The following RERE variants were observed in gnomAD, a reference collection of about 807,000 sequenced individuals.
RERE encodes the protein arginine-glutamic acid dipeptide repeats protein.
A neutral mutation model predicts 146.1 loss-of-function variants in RERE; 40 were observed. The observed-to-expected ratio is 0.27, with a 90% confidence interval of 0.21 to 0.36. RERE has a LOEUF of 0.36. Among genes scored for constraint, RERE ranks in the 10% least tolerant of loss-of-function variants. The probability of loss-of-function intolerance (pLI) is 1.00; values close to 1 mark genes in which losing one functional copy is unlikely to be tolerated. For missense variants in RERE, 1,933 were observed against 2,138.7 expected, an observed-to-expected ratio of 0.90 and a Z score of 1.90; for synonymous variants, 1,003 against 866.0, an observed-to-expected ratio of 1.16 and a Z score of -2.78.
Position 8,432,107 on chromosome 1 carries a change from TATATTA to T in RERE, c.1204-9306_1204-9301del, listed in dbSNP as rs563073370. Among the ~76,000 whole-genome samples, 38 of 152,304 alleles carry T rather than the reference TATATTA, an allele frequency of 2.5e-4. 3 individuals are homozygous for T. The South Asian group carries it at 7.9e-3, about 32-fold the overall frequency. ...CAACATTCCAGTTCTGGGCATTCTGTATATTAATGTGTTCTCTTATTTGAAGACCTG... is the reference window on the plus strand; with the variant it reads ...CAACATTCCAGTTCTGGGCATTCTGTATGTGTTCTCTTATTTGAAGACCTG... On this transcript the variant is annotated intron_variant, in intron 11 of 22. Coordinates refer to ENST00000400908, the MANE Select transcript of RERE (RefSeq NM_001042681.2).
At chr1:8,490,344 A>G (rs1323915229) in intron 10 of RERE, among the ~76,000 whole-genome samples, 1 of 127,226 alleles carries the variant, frequency 7.9e-6, no homozygotes, top group Admixed American at 7.5e-5. Flanking sequence ...GCAACATCTC[A>G]AAAAAAAAAA....
chr1:8,624,509 A>C (rs1286447204), intron 2 of RERE, 129 bp from the exon 3 acceptor site: 44 of 609,426 alleles, frequency 7.2e-5, no homozygotes, highest in Non-Finnish European at 1.1e-4. Context: ...TTTTTCCAAA[A>C]GATGATATTA....
intron 1 of RERE, among the ~76,000 whole-genome samples, chr1:8,733,028 A>G (rs1640124130): frequency 6.6e-6 from 1 of 151,668 alleles, no homozygotes; most frequent in Admixed American, 6.6e-5. Flanking sequence ...TCACCGTGTT[A>G]GCCAGGATGG....
intron 17 of RERE, 53 bp downstream of exon 17, chr1:8,361,710 G>A: frequency 2.7e-6 from 4 of 1,488,872 alleles, no homozygotes; most frequent in South Asian, 2.3e-5. Context: ...CCCGGCTGGG[G>A]GCTTCTGAAG....
chr1:8,486,073 C>G (rs1001529561), intron 10 of RERE, among the ~76,000 whole-genome samples: 4 of 152,174 alleles, frequency 2.6e-5, no homozygotes, highest in Non-Finnish European at 1.5e-5. Flanking sequence ...GCTGGAATTA[C>G]AGGCGTAAGC....
chr1:8,791,548 G>A (rs1641364002), intron 1 of RERE, among the ~76,000 whole-genome samples: 1 of 152,212 alleles, frequency 6.6e-6, no homozygotes, highest in African/African-American at 2.4e-5. Context: ...ATGCCCAGGG[G>A]AAGGGAGACT....
At chr1:8,654,637 T>G (rs1557460546) in intron 2 of RERE, among the ~76,000 whole-genome samples, 1 of 145,546 alleles carries the variant, frequency 6.9e-6, no homozygotes, top group African/African-American at 2.5e-5. Flanking sequence ...TTTGTTTTTT[T>G]TTGTTTTTTT....
chr1:8,585,565 T>A (rs755056197), intron 4 of RERE, among the ~76,000 whole-genome samples: 1 of 152,118 alleles, frequency 6.6e-6, no homozygotes, highest in South Asian at 2.1e-4. Context: ...CACCTTGGCA[T>A]AGAGATAGTA....
intron 1 of RERE, among the ~76,000 whole-genome samples, chr1:8,758,038 G>C (rs1640679532): frequency 6.6e-6 from 1 of 151,672 alleles, no homozygotes; most frequent in Middle Eastern, 3.2e-3. Flanking sequence ...GACATAGAAA[G>C]ACAGATACTG....
chr1:8,535,942 C>G (rs945701559), intron 7 of RERE, among the ~76,000 whole-genome samples: 2 of 151,876 alleles, frequency 1.3e-5, no homozygotes, highest in Admixed American at 6.6e-5. Context: ...CCCCTCTCTA[C>G]TAAAAATACA....
In RERE at chr1:8,449,099, G is replaced by A. The variant is rs139601340; in HGVS notation, c.1203+16826C>T. Reference sequence around the variant, plus strand: ...GATCAGGCTGCTCTGAATCCAGGCCGGCTGGAATTGGCGGGGCCTCTCAAC... The same window carrying A: ...GATCAGGCTGCTCTGAATCCAGGCCAGCTGGAATTGGCGGGGCCTCTCAAC... On this transcript the variant is annotated intron_variant, in intron 11 of 22. Transcript: ENST00000400908. 1.6e-3 allele frequency among the ~76,000 whole-genome samples: 247 copies of A among 152,260 alleles called. 1 individual carries two copies. Among genetic ancestry groups the A allele is most frequent in the African/African-American group, 5.5e-3 (230 of 41,542 alleles).
intron 1 of RERE, chr1:8,786,525 T>G: frequency 1.3e-6 from 1 of 788,056 alleles, no homozygotes; most frequent in African/African-American, 1.7e-5. Flanking sequence ...ATGTAATATA[T>G]GGCTCTACAA....
chr1:8,657,453 T>TGA (rs936541703), intron 1 of RERE, among the ~76,000 whole-genome samples: 6 of 152,218 alleles, frequency 3.9e-5, no homozygotes, highest in Non-Finnish European at 5.9e-5. Context: ...CAAACGAAAG[T>TGA]GAGAGCTTCA....
At chr1:8,553,808 T>C (rs535793419) in intron 6 of RERE, among the ~76,000 whole-genome samples, 18 of 152,328 alleles carry the variant, frequency 1.2e-4, no homozygotes, top group South Asian at 4.1e-4. Flanking sequence ...AAACATCTGA[T>C]TGTAAACTTA....
chr1:8,795,811 C>CATGTTGTATTTT (rs1178609337), intron 1 of RERE, among the ~76,000 whole-genome samples: 3 of 151,872 alleles, frequency 2.0e-5, no homozygotes, highest in Non-Finnish European at 4.4e-5. Context: ...GGAGAAACTC[C>CATGTTGTATTTT]GTCTCTACCA....
intron 12 of RERE, among the ~76,000 whole-genome samples, chr1:8,391,226 T>C (rs1027579214): frequency 2.0e-5 from 3 of 152,258 alleles, no homozygotes; most frequent in African/African-American, 7.2e-5. Context: ...CCAGACTGCC[T>C]GAGAGTAAAT....
At chr1:8,768,502 G>A (rs904955495) in intron 1 of RERE, among the ~76,000 whole-genome samples, 2 of 152,192 alleles carry the variant, frequency 1.3e-5, no homozygotes, top group African/African-American at 4.8e-5. Flanking sequence ...GGCCAACACA[G>A]CACCCACTGG....
chr1:8,646,674 C>T lies in RERE; in HGVS notation c.325+9299G>A, dbSNP rs1177799129. On this transcript the variant is annotated intron_variant, in intron 2 of 22. Transcript: ENST00000400908. ...TAAGGTGAGCCCTAATCCAATATGA[C>T]TGGCATCCTTACAAAAAGGAAAAAT... is the stretch of plus-strand genomic sequence containing the variant. Among the ~76,000 whole-genome samples, 3 of 152,128 alleles carry T rather than the reference C, an allele frequency of 2.0e-5. No homozygotes were observed. In the South Asian group the frequency reaches 6.2e-4, roughly 31 times the overall value.
chr1:8,705,247 C>T (rs949235500), intron 1 of RERE, among the ~76,000 whole-genome samples: 3 of 152,186 alleles, frequency 2.0e-5, no homozygotes, highest in African/African-American at 7.2e-5. Flanking sequence ...GCTTTGACAG[C>T]ATTTTATGCC....
Sources: allele counts gnomAD v4.1 joint callset (sites outside exome capture counted in the v4.1 genomes callset), GRCh38; gene constraint gnomAD v4.1.1; transcripts MANE v1.5; gene names NCBI Gene and HGNC (gene_info 2026-07-23, HGNC 2026-07-21).